RSPO2: variants seen among roughly 807,000 people sequenced by gnomAD.
The protein encoded by RSPO2 is R-spondin-2.
In RSPO2, 14 loss-of-function variants were observed where a neutral mutation model predicts 30.9. That is an observed-to-expected ratio of 0.45 (90% CI 0.30 to 0.71). The LOEUF is 0.71. RSPO2 is among the 30% of genes least tolerant of loss of function. The pLI, the probability that RSPO2 is intolerant of heterozygous loss-of-function variation, is 0.08. For missense variants in RSPO2, 264 were observed against 301.9 expected (o/e 0.87, Z 0.93); for synonymous variants, 107 against 96.4 (o/e 1.11, Z -0.64).
chr8:108,026,293 A>T (rs906386807), intron 2 of RSPO2, among the ~76,000 whole-genome samples: 8 of 152,196 alleles, frequency 5.3e-5, no homozygotes, highest in African/African-American at 1.9e-4. Context: ...ATAAAGTATG[A>T]CCACTAAATG....
intron 3 of RSPO2, among the ~76,000 whole-genome samples, chr8:107,962,503 G>T (rs1813660193): frequency 6.6e-6 from 1 of 152,058 alleles, no homozygotes; most frequent in Non-Finnish European, 1.5e-5. Flanking sequence ...CTACACTACT[G>T]CTCCTTTGGT....
intron 2 of RSPO2, among the ~76,000 whole-genome samples, chr8:108,042,187 A>G (rs1345192359): frequency 6.6e-6 from 1 of 152,140 alleles, no homozygotes; most frequent in Non-Finnish European, 1.5e-5. Flanking sequence ...CTCCTGAGTC[A>G]CCCACATGGT....
chr8:107,974,325 AAAAAAAAAAAAAG>A (rs952672563), intron 3 of RSPO2, among the ~76,000 whole-genome samples: 2 of 143,266 alleles, frequency 1.4e-5, no homozygotes, highest in African/African-American at 5.1e-5. Context: ...CATCTCTACA[AAAAAAAAAAAAAG>A]AAAAAAAGAA....
chr8:107,984,603 A>G (rs1320627872), intron 3 of RSPO2, among the ~76,000 whole-genome samples: 1 of 152,236 alleles, frequency 6.6e-6, no homozygotes, highest in Non-Finnish European at 1.5e-5. Context: ...ACCAGTTTAC[A>G]TAATTAATCA....
chr8:108,040,794 G>C (rs1811731502), intron 2 of RSPO2, among the ~76,000 whole-genome samples: 1 of 152,126 alleles, frequency 6.6e-6, no homozygotes, highest in African/African-American at 2.4e-5. Flanking sequence ...GTGAAATTTG[G>C]CAAAGGGTGG....
chr8:107,980,326 T>A (rs2130498667), intron 3 of RSPO2, among the ~76,000 whole-genome samples: 1 of 152,302 alleles, frequency 6.6e-6, no homozygotes, highest in Non-Finnish European at 1.5e-5. Flanking sequence ...AGCCATCCCC[T>A]AAATTACAGT....
At chr8:107,965,614 G>T (rs1037976853) in intron 3 of RSPO2, among the ~76,000 whole-genome samples, 1 of 151,854 alleles carries the variant, frequency 6.6e-6, no homozygotes, top group Non-Finnish European at 1.5e-5. Context: ...ACAGAAAAGG[G>T]ACCAATTTCT....
chr8:107,902,945 A>T (rs1811524691), intron 5 of RSPO2, among the ~76,000 whole-genome samples: 1 of 152,128 alleles, frequency 6.6e-6, no homozygotes, highest in Admixed American at 6.6e-5. Flanking sequence ...AAACGTAGTT[A>T]ATCCTACCCC....
At chr8:108,026,087 A>G (rs1421880547) in intron 2 of RSPO2, among the ~76,000 whole-genome samples, 1 of 152,216 alleles carries the variant, frequency 6.6e-6, no homozygotes, top group South Asian at 2.1e-4. Context: ...GCTTCCTGCT[A>G]TGAGGCACTG....
rs542334596 is a variant in RSPO2, at chr8:108,015,339, G to T, written c.95-26095C>A. Among the ~76,000 whole-genome samples the T allele has an allele frequency of 3.9e-5, 6 of 152,214 alleles. No individual in the cohort carries two copies. In the East Asian group the frequency reaches 9.7e-4, roughly 25 times the overall value. ...CATTTATCTCACGTTCTAATCATAT[G>T]TCATGCACACACACACAAATAACAC... On this transcript the variant is annotated intron_variant, in intron 2 of 5. Coordinates refer to ENST00000276659, the MANE Select transcript of RSPO2 (RefSeq NM_178565.5).
At chr8:107,981,234 A>T (rs1360286160) in intron 3 of RSPO2, among the ~76,000 whole-genome samples, 3 of 152,090 alleles carry the variant, frequency 2.0e-5, no homozygotes, top group Admixed American at 6.5e-5. Flanking sequence ...TTCAAGAATG[A>T]CAGGCTGGGC....
intron 2 of RSPO2, among the ~76,000 whole-genome samples, chr8:108,023,307 C>T (rs1811110213): frequency 6.6e-6 from 1 of 152,154 alleles, no homozygotes; most frequent in African/African-American, 2.4e-5. Flanking sequence ...ATTTAAGCAT[C>T]CCTGGGGAGC....
At chr8:108,033,373 A>C (rs1811491063) in intron 2 of RSPO2, among the ~76,000 whole-genome samples, 1 of 152,156 alleles carries the variant, frequency 6.6e-6, no homozygotes, top group Non-Finnish European at 1.5e-5. Context: ...CTTGTGCCTG[A>C]ATCACTGTAA....
chr8:107,914,391 G>A (rs1586537104), intron 5 of RSPO2, among the ~76,000 whole-genome samples: 1 of 151,550 alleles, frequency 6.6e-6, no homozygotes, highest in African/African-American at 2.4e-5. Context: ...AATAATCATA[G>A]GTACTTTGAG....
At chr8:107,966,543 G>C (rs75680203) in intron 3 of RSPO2, among the ~76,000 whole-genome samples, 1 of 152,136 alleles carries the variant, frequency 6.6e-6, no homozygotes, top group Non-Finnish European at 1.5e-5. Context: ...TCAACAATCC[G>C]GGGAGTGGAG....
At chr8:107,962,488 C>G (rs570106768) in intron 3 of RSPO2, among the ~76,000 whole-genome samples, 1 of 151,622 alleles carries the variant, frequency 6.6e-6, no homozygotes, top group Non-Finnish European at 1.5e-5. Flanking sequence ...AGTCCACATA[C>G]AAATCTACAC....
In RSPO2 at chr8:108,080,508, G is replaced by C. The variant is rs576870505; in HGVS notation, c.94+2037C>G. ...GATGGTAATCGTTACAAGAGATTTT[G>C]CTAAAAGTAAGCTTTGAAATAAATA... On this transcript the variant is annotated intron_variant, in intron 2 of 5. Transcript: ENST00000276659. 5.9e-5 allele frequency among the ~76,000 whole-genome samples: 9 copies of C among 152,294 alleles called. No individual in the cohort carries two copies. In the South Asian group the frequency reaches 8.3e-4, roughly 14 times the overall value.
At chr8:108,036,380 T>G (rs73321457) in intron 2 of RSPO2, among the ~76,000 whole-genome samples, 9,466 of 152,240 alleles carry the variant, frequency 0.062, 1,026 homozygotes, top group African/African-American at 0.22. Flanking sequence ...CTAACATATA[T>G]AGCAAAAGAT....
chr8:108,028,625 CA>C (rs1286998291), intron 2 of RSPO2, among the ~76,000 whole-genome samples: 1 of 152,192 alleles, frequency 6.6e-6, no homozygotes, highest in Non-Finnish European at 1.5e-5. Flanking sequence ...ATTTGCTTGC[CA>C]TTTCTGAAGT....
Sources: gnomAD v4.1 joint callset for allele counts (sites outside exome capture counted in the v4.1 genomes callset) on GRCh38, gnomAD v4.1.1 for gene constraint, MANE v1.5 for transcripts, NCBI Gene and HGNC (gene_info 2026-07-23, HGNC 2026-07-21) for gene names.